The following ARFIP1 variants were observed in gnomAD, a reference collection of about 807,000 sequenced individuals.
ARFIP1 encodes the protein ARF interacting protein 1, also known as arfaptin-1.
Under a neutral mutation model 42.5 loss-of-function variants are expected in ARFIP1, and 24 were observed. That is an observed-to-expected ratio of 0.57 (90% CI 0.41 to 0.80). The LOEUF (loss-of-function observed/expected upper bound fraction) is 0.80. ARFIP1 is among the 30% of genes least tolerant of loss of function. ARFIP1 has a pLI of 0.00. For missense variants in ARFIP1, 354 were observed against 434.0 expected, an observed-to-expected ratio of 0.82 and a Z score of 1.64; for synonymous variants, 141 against 153.7, an observed-to-expected ratio of 0.92 and a Z score of 0.61.
intron 2 of ARFIP1, among the ~76,000 whole-genome samples, chr4:152,846,438 A>G (rs887364423): frequency 2.6e-5 from 4 of 152,222 alleles, no homozygotes; most frequent in Admixed American, 2.0e-4. Context: ...TTTTGAATTA[A>G]AATAAAACTC....
At chr4:152,831,196 A>G (rs551565028) in intron 2 of ARFIP1, among the ~76,000 whole-genome samples, 2 of 152,340 alleles carry the variant, frequency 1.3e-5, no homozygotes, top group African/African-American at 4.8e-5. Flanking sequence ...ATTCAAGTTA[A>G]TGATTTCTTC....
At chr4:152,805,282 T>C (rs766375894) in intron 1 of ARFIP1, among the ~76,000 whole-genome samples, 2 of 152,198 alleles carry the variant, frequency 1.3e-5, no homozygotes, top group Non-Finnish European at 2.9e-5. Context: ...TGAAACCAGT[T>C]CCAGCTCATT....
At chr4:152,818,867 C>A (rs186332870) in intron 1 of ARFIP1, among the ~76,000 whole-genome samples, 1 of 152,154 alleles carries the variant, frequency 6.6e-6, no homozygotes, top group African/African-American at 2.4e-5. Context: ...CTCCTTCCCA[C>A]GCAGATTCTT....
intron 2 of ARFIP1, among the ~76,000 whole-genome samples, chr4:152,856,306 A>G (rs1246535323): frequency 6.6e-6 from 1 of 152,156 alleles, no homozygotes; most frequent in Non-Finnish European, 1.5e-5. Flanking sequence ...TTCCAAGGAT[A>G]CATCTAACAT....
intron 2 of ARFIP1, among the ~76,000 whole-genome samples, chr4:152,846,153 T>C (rs938295611): frequency 6.6e-6 from 1 of 152,094 alleles, no homozygotes; most frequent in East Asian, 1.9e-4. Flanking sequence ...AGCTAAACAC[T>C]GGATACTCAT....
Position 152,783,878 on chromosome 4 carries a change from A to G in ARFIP1, c.-10+3652A>G, listed in dbSNP as rs1730645936. Among the ~76,000 whole-genome samples the G allele has an allele frequency of 2.0e-5, 3 of 152,050 alleles. No homozygotes were observed. In the South Asian group the frequency reaches 6.2e-4, roughly 32 times the overall value. On this transcript the variant is annotated intron_variant, in intron 1 of 8. Transcript: ENST00000353617. The stretch of plus-strand genomic sequence containing the variant: ...GTTAGAACACACACACCTACTTGAA[A>G]TAAAGAATTGTAAGTATTATAAATT...
chr4:152,788,680 C>CA (rs1178853925), intron 1 of ARFIP1, among the ~76,000 whole-genome samples: 12 of 151,428 alleles, frequency 7.9e-5, no homozygotes, highest in African/African-American at 2.4e-4. Context: ...GACTCCATCT[C>CA]AAAAAAACAA....
chr4:152,889,902 T>C (rs184145652), intron 8 of ARFIP1, among the ~76,000 whole-genome samples: 2 of 136,690 alleles, frequency 1.5e-5, no homozygotes, highest in South Asian at 2.2e-4. Context: ...GTATACTATA[T>C]ATATACTAAT....
intron 1 of ARFIP1, among the ~76,000 whole-genome samples, chr4:152,819,510 C>T (rs973464828): frequency 6.6e-6 from 1 of 152,146 alleles, no homozygotes; most frequent in Non-Finnish European, 1.5e-5. Context: ...TGCAGACATT[C>T]CCCAGCACCA....
At chr4:152,803,780 A>G (rs1475943001) in intron 1 of ARFIP1, among the ~76,000 whole-genome samples, 1 of 151,838 alleles carries the variant, frequency 6.6e-6, no homozygotes, top group East Asian at 1.9e-4. Flanking sequence ...GACAGCCCTA[A>G]TGATATAAAT....
chr4:152,799,421 A>G (rs1731665669), intron 1 of ARFIP1, among the ~76,000 whole-genome samples: 1 of 152,176 alleles, frequency 6.6e-6, no homozygotes. Context: ...CCATCTGTTT[A>G]TGTGACACAG....
chr4:152,863,518 TTTGA>T, intron 2 of ARFIP1, 84 bp from the exon 3 acceptor site: 1 of 732,126 alleles, frequency 1.4e-6, no homozygotes, highest in Non-Finnish European at 2.3e-6. Context: ...TAATCTAAGA[TTTGA>T]TTAAAAGGAT....
At chr4:152,790,069 G>A (rs1731059448) in intron 1 of ARFIP1, among the ~76,000 whole-genome samples, 1 of 152,040 alleles carries the variant, frequency 6.6e-6, no homozygotes, top group African/African-American at 2.4e-5. Flanking sequence ...ATATATGTGT[G>A]TACACTAACT....
chr4:152,783,616 T>C (rs946330708), intron 1 of ARFIP1, among the ~76,000 whole-genome samples: 3 of 152,238 alleles, frequency 2.0e-5, no homozygotes, highest in African/African-American at 4.8e-5. Context: ...AGACTACTAC[T>C]GTAGACAACT....
chr4:152,792,538 A>G (rs1274977140), intron 1 of ARFIP1, among the ~76,000 whole-genome samples: 1 of 152,124 alleles, frequency 6.6e-6, no homozygotes, highest in African/African-American at 2.4e-5. Context: ...GAATTTGAAA[A>G]GCTCCCATTA....
chr4:152,784,641 A>G (rs1394629862), intron 1 of ARFIP1, among the ~76,000 whole-genome samples: 2 of 152,252 alleles, frequency 1.3e-5, no homozygotes, highest in Non-Finnish European at 2.9e-5. Context: ...ACAAAAATGA[A>G]GTTCTTGCCT....
intron 1 of ARFIP1, among the ~76,000 whole-genome samples, chr4:152,788,030 A>T (rs1730911272): frequency 6.6e-6 from 1 of 152,150 alleles, no homozygotes; most frequent in Non-Finnish European, 1.5e-5. Flanking sequence ...GTTCAAGACC[A>T]GCCTGGCCAA....
At chr4:152,866,344 C>T (rs1055096589) in intron 3 of ARFIP1, among the ~76,000 whole-genome samples, 29 of 152,232 alleles carry the variant, frequency 1.9e-4, no homozygotes, top group Admixed American at 3.9e-4. Context: ...TCCACAAAAC[C>T]GCCATTGTCA....
intron 1 of ARFIP1, chr4:152,796,887 C>A (rs1731503094): frequency 2.4e-6 from 1 of 419,276 alleles, no homozygotes; most frequent in Non-Finnish European, 4.3e-6. Flanking sequence ...AAAATGCTCT[C>A]CTTTACCTTT....
Sources: gnomAD v4.1 joint callset for allele counts (sites outside exome capture counted in the v4.1 genomes callset) on GRCh38, gnomAD v4.1.1 for gene constraint, MANE v1.5 for transcripts, NCBI Gene and HGNC (gene_info 2026-07-23, HGNC 2026-07-21) for gene names.